The following DENND1B variants were observed in gnomAD, a reference collection of about 807,000 sequenced individuals.
The protein encoded by DENND1B is DENN domain-containing protein 1B.
Under a neutral mutation model 90.1 loss-of-function variants are expected in DENND1B, and 59 were observed. The observed-to-expected ratio is 0.65, with a 90% CI of 0.53 to 0.81. The LOEUF is 0.81. Ranked by LOEUF, DENND1B falls within the 40% of genes least tolerant of loss-of-function variation. The probability of loss-of-function intolerance (pLI) is 0.00; values close to 1 mark genes in which losing one functional copy is unlikely to be tolerated. For missense variants in DENND1B, 862 were observed against 912.6 expected (o/e 0.94, Z 0.71); for synonymous variants, 337 against 324.6 (o/e 1.04, Z -0.41).
chr1:197,722,980 T>C (rs1661318686), intron 2 of DENND1B, among the ~76,000 whole-genome samples: 1 of 152,172 alleles, frequency 6.6e-6, no homozygotes, highest in African/African-American at 2.4e-5. Context: ...TAAAATAATT[T>C]TGGTGTTTTT....
chr1:197,740,937 G>A (rs762179993), intron 2 of DENND1B, among the ~76,000 whole-genome samples: 4 of 152,140 alleles, frequency 2.6e-5, no homozygotes, highest in African/African-American at 7.2e-5. Context: ...GAAGGAAGGA[G>A]TGAAAAGCAA....
chr1:197,657,871 A>AT (rs1327503948), intron 6 of DENND1B, among the ~76,000 whole-genome samples: 1 of 152,212 alleles, frequency 6.6e-6, no homozygotes, highest in East Asian at 1.9e-4. Context: ...CATTGACAGA[A>AT]GAATGAATGA....
intron 2 of DENND1B, among the ~76,000 whole-genome samples, chr1:197,743,063 T>A (rs927058941): frequency 6.6e-5 from 10 of 152,336 alleles, no homozygotes; most frequent in Middle Eastern, 6.8e-3. Context: ...CTGGGTTTTA[T>A]TCCAGACTAT....
intron 13 of DENND1B, among the ~76,000 whole-genome samples, chr1:197,602,963 G>A (rs978011816): frequency 6.6e-6 from 1 of 151,122 alleles, no homozygotes; most frequent in African/African-American, 2.4e-5. Context: ...ATTCCTGAAA[G>A]CTTCACCATA....
At chr1:197,727,903 T>G (rs1661794926) in intron 2 of DENND1B, among the ~76,000 whole-genome samples, 1 of 152,162 alleles carries the variant, frequency 6.6e-6, no homozygotes, top group Non-Finnish European at 1.5e-5. Context: ...AACTAATAGT[T>G]GAAAGTTCTT....
intron 3 of DENND1B, among the ~76,000 whole-genome samples, chr1:197,706,288 A>C (rs898342434): frequency 6.6e-6 from 1 of 152,214 alleles, no homozygotes; most frequent in Admixed American, 6.5e-5. Flanking sequence ...CAAAACTTAA[A>C]TTTGTATAAT....
chr1:197,778,136 C>A (rs1049254786), upstream of DENND1B, among the ~76,000 whole-genome samples: 15 of 152,124 alleles, frequency 9.9e-5, no homozygotes, highest in Non-Finnish European at 2.1e-4. Context: ...ATAAATACAA[C>A]CATTCATCAT....
intron 3 of DENND1B, chr1:197,688,685 C>G (rs967105847): frequency 2.6e-5 from 4 of 152,424 alleles, no homozygotes; most frequent in Admixed American, 2.6e-4. Flanking sequence ...GACAAAAGAC[C>G]TAAGCAGCTT....
intron 3 of DENND1B, among the ~76,000 whole-genome samples, chr1:197,678,672 T>C (rs1656336171): frequency 6.6e-6 from 1 of 152,208 alleles, no homozygotes; most frequent in Non-Finnish European, 1.5e-5. Flanking sequence ...GGTGATTAAA[T>C]CAAAATGCAT....
chr1:197,515,035 G>GT (rs1668299454), intron 20 of DENND1B, among the ~76,000 whole-genome samples: 1 of 151,600 alleles, frequency 6.6e-6, no homozygotes, highest in South Asian at 2.1e-4. Context: ...ACACCAGAGA[G>GT]GAATAACTTT....
chr1:197,756,309 T>C (rs933540470), intron 2 of DENND1B, among the ~76,000 whole-genome samples: 1 of 152,152 alleles, frequency 6.6e-6, no homozygotes. Context: ...GCATGGTGGC[T>C]CAGGCCTGTA....
chr1:197,581,062 T>A (rs1674191476), intron 15 of DENND1B, among the ~76,000 whole-genome samples: 1 of 152,190 alleles, frequency 6.6e-6, no homozygotes, highest in Non-Finnish European at 1.5e-5. Context: ...CCTGAATAAT[T>A]CTAGACCTAT....
intron 2 of DENND1B, chr1:197,747,137 T>C: frequency 1.3e-6 from 1 of 766,856 alleles, no homozygotes; most frequent in East Asian, 2.6e-5. Flanking sequence ...TTATCTTTTC[T>C]GGAGCGTTTT....
At chr1:197,614,147 G>A (rs570305759) in intron 11 of DENND1B, among the ~76,000 whole-genome samples, 21 of 149,558 alleles carry the variant, frequency 1.4e-4, no homozygotes, top group African/African-American at 5.1e-4. Flanking sequence ...GATAAAAATT[G>A]TTAAGCTGAC....
intron 2 of DENND1B, among the ~76,000 whole-genome samples, chr1:197,728,346 A>T (rs187831899): frequency 6.6e-6 from 1 of 152,356 alleles, no homozygotes; most frequent in Non-Finnish European, 1.5e-5. Context: ...TAAAAACAAG[A>T]ACATAATATA....
rs373590567 is a variant in DENND1B, at chr1:197,663,324, T to C, written c.297-4955A>G. ...CTGGCTCTCAGTGATAACTTTCTCC[T>C]TTTAAAGAGTACATATCATTCATTT... On this transcript the variant is annotated intron_variant, in intron 5 of 22. Transcript: ENST00000620048. 1.2e-4 allele frequency among the ~76,000 whole-genome samples: 19 copies of C among 152,266 alleles called. No homozygotes were observed. The East Asian group carries it at 2.5e-3, about 20-fold the overall frequency.
chr1:197,724,166 G>T (rs1425126966), intron 2 of DENND1B, among the ~76,000 whole-genome samples: 1 of 151,928 alleles, frequency 6.6e-6, no homozygotes, highest in Admixed American at 6.6e-5. Context: ...TAAAATTCAT[G>T]AATAGAATCA....
intron 2 of DENND1B, among the ~76,000 whole-genome samples, chr1:197,763,451 C>T (rs1392123146): frequency 6.6e-6 from 1 of 152,152 alleles, no homozygotes; most frequent in Non-Finnish European, 1.5e-5. Flanking sequence ...ATCAGTTTAA[C>T]AATCCAACAA....
At chr1:197,601,526 G>GAA (rs35339740) in intron 13 of DENND1B, among the ~76,000 whole-genome samples, 15 of 147,922 alleles carry the variant, frequency 1.0e-4, no homozygotes, top group Non-Finnish European at 1.5e-4. Flanking sequence ...ACCTTTTTTA[G>GAA]AAAAAAAAAA....
Sources: gnomAD v4.1 joint callset for allele counts (sites outside exome capture counted in the v4.1 genomes callset) on GRCh38, gnomAD v4.1.1 for gene constraint, MANE v1.5 for transcripts, NCBI Gene and HGNC (gene_info 2026-07-23, HGNC 2026-07-21) for gene names.